The following RPS10 variants were observed in gnomAD, a reference collection of about 807,000 sequenced individuals.
RPS10 encodes the protein small ribosomal subunit protein eS10.
In RPS10, 2 loss-of-function variants were observed where a neutral mutation model predicts 22.6. The ratio of observed to expected loss-of-function variants is 0.09; its 90% CI spans 0.04 to 0.28. The LOEUF is 0.28. Among genes scored for constraint, RPS10 ranks in the 10% least tolerant of loss-of-function variants. The probability of loss-of-function intolerance (pLI) is 1.00; values close to 1 mark genes in which losing one functional copy is unlikely to be tolerated. For missense variants in RPS10, 137 were observed against 222.2 expected (o/e 0.62, Z 2.44); for synonymous variants, 70 against 75.9 (o/e 0.92, Z 0.40).
chr6:34,418,213 A>G, intron 5 of RPS10, 156 bp downstream of exon 5: 1 of 1,538,154 alleles, frequency 6.5e-7, no homozygotes, highest in Non-Finnish European at 8.8e-7. Flanking sequence ...GCATGCTACA[A>G]CTCAATGTAA....
chr6:34,420,416 C>T (rs1369841207), intron 4 of RPS10, among the ~76,000 whole-genome samples: 2 of 152,036 alleles, frequency 1.3e-5, no homozygotes, highest in Non-Finnish European at 2.9e-5. Context: ...TGGGGTTTTA[C>T]CATGCTGGCC....
chr6:34,422,793 C>T (rs953894818), intron 3 of RPS10, among the ~76,000 whole-genome samples: 2 of 149,792 alleles, frequency 1.3e-5, no homozygotes, highest in African/African-American at 4.9e-5. Context: ...AAAAAATTAT[C>T]ATAAATGGCC....
Position 34,424,703 on chromosome 6 carries a change from A to C in RPS10, c.288T>G (p.Arg96=). ...GAGGCCTGCCAGTCTCTGGACGGCT[A>C]CGGCGTAGGGTGGCAGGCACAATCT... ...PPEIVPATLR[R]SRPETGRPRP... Residue 96 remains arginine (R), a synonymous_variant, in exon 3 of 6, where the codon CGT becomes CGG. Transcript: ENST00000648437. The C allele has an allele frequency of 1.2e-6, 2 of 1,614,186 alleles. No individual in the cohort carries two copies. The highest frequency in any genetic ancestry group is 8.5e-7 in the Non-Finnish European group (1 of 1,180,036).
At chr6:34,424,036 T>C (rs1247839604) in intron 3 of RPS10, among the ~76,000 whole-genome samples, 3 of 147,784 alleles carry the variant, frequency 2.0e-5, no homozygotes, top group African/African-American at 7.5e-5. Context: ...TCTCTGCAGC[T>C]CCTACAGAGT....
intron 2 of RPS10, 28 bp from the exon 3 acceptor site, chr6:34,424,868 C>A (rs1396310130): frequency 1.2e-6 from 2 of 1,613,402 alleles, no homozygotes; most frequent in Non-Finnish European, 1.7e-6. Flanking sequence ...ACTGTTAAGG[C>A]GTTAAGTAGA....
chr6:34,419,897 G>A (rs1765705525), intron 4 of RPS10, among the ~76,000 whole-genome samples: 1 of 151,962 alleles, frequency 6.6e-6, no homozygotes, highest in Non-Finnish European at 1.5e-5. Context: ...TTGAGTTGGT[G>A]CGGGGGGCAG....
chr6:34,422,346 ACT>A (rs1765796915), intron 3 of RPS10, among the ~76,000 whole-genome samples: 3 of 152,066 alleles, frequency 2.0e-5, no homozygotes, highest in African/African-American at 2.4e-5. Context: ...ACGGAGTCTC[ACT>A]CTGTCACCCA....
At position 34,418,357 on chromosome 6, in the gene RPS10, G is replaced by T; in HGVS notation, c.456+12C>A. ...GTGATGGCTCATGGAAAACAAATAG[G>T]AAGATACTCACAAACTGGAATTCGG... On this transcript the variant is annotated intron_variant, in intron 5 of 5. Transcript: ENST00000648437. 1 of 1,614,072 alleles carries T rather than the reference G, an allele frequency of 6.2e-7. No individual in the cohort carries two copies. Among genetic ancestry groups the T allele is most frequent in the Non-Finnish European group, 8.5e-7 (1 of 1,179,988 alleles).
chr6:34,425,253 T>TA, intron 1 of RPS10, 32 bp from the exon 2 acceptor site: 1 of 1,583,776 alleles, frequency 6.3e-7, no homozygotes, highest in East Asian at 2.3e-5. Flanking sequence ...CAAGAGCACT[T>TA]CTGAGTAACG....
At chr6:34,424,508 T>TTC (rs1765885743) in intron 3 of RPS10, 161 bp downstream of exon 3, 1 of 917,678 alleles carries the variant, frequency 1.1e-6, no homozygotes, top group Non-Finnish European at 1.7e-6. Context: ...CTGAGTCTAG[T>TTC]TCTATTCCAA....
At chr6:34,423,816 T>C (rs139073803) in intron 3 of RPS10, among the ~76,000 whole-genome samples, 192 of 152,206 alleles carry the variant, frequency 1.3e-3, no homozygotes, top group African/African-American at 4.1e-3. Context: ...GAGGTGGAAG[T>C]TGCAGTAAGC....
chr6:34,421,664 G>A (rs1254612781), intron 4 of RPS10, 66 bp downstream of exon 4: 3 of 1,590,126 alleles, frequency 1.9e-6, no homozygotes, highest in East Asian at 4.5e-5. Flanking sequence ...CACCCAGCCA[G>A]AGCCAGCTGT....
At chr6:34,424,175 G>T (rs1245931490) in intron 3 of RPS10, 1 of 93,290 alleles carries the variant, frequency 1.1e-5, no homozygotes, top group Non-Finnish European at 1.8e-5. Context: ...GCAACTGTGA[G>T]CTAGCAATGA....
intron 3 of RPS10, chr6:34,424,140 T>TACAAAAAAAAAAAAAAAAAA (rs1765865508): frequency 2.0e-5 from 1 of 49,102 alleles, no homozygotes; most frequent in Non-Finnish European, 3.1e-5. Flanking sequence ...AAGACTCCGT[T>TACAAAAAAAAAAAAAAAAAA]AAAAAAAAAA....
chr6:34,418,002 T>A, intron 5 of RPS10: 1 of 698,432 alleles, frequency 1.4e-6, no homozygotes, highest in Non-Finnish European at 2.6e-6. Flanking sequence ...ATGGAGAAAC[T>A]GAGGCAGAGG....
intron 5 of RPS10, chr6:34,417,773 C>T (rs1368376038): frequency 4.2e-6 from 3 of 717,496 alleles, no homozygotes; most frequent in East Asian, 2.7e-5. Context: ...GTATGGCCAC[C>T]CACCCAGAGT....
chr6:34,422,533 T>A (rs1373300558), intron 3 of RPS10, among the ~76,000 whole-genome samples: 1 of 152,118 alleles, frequency 6.6e-6, no homozygotes, highest in African/African-American at 2.4e-5. Context: ...CAGGCTGGTC[T>A]CCAACTCCTG....
chr6:34,420,743 A>C (rs565943506), intron 4 of RPS10, among the ~76,000 whole-genome samples: 7 of 152,028 alleles, frequency 4.6e-5, no homozygotes, highest in Non-Finnish European at 1.0e-4. Flanking sequence ...GCGGTGGCTC[A>C]CATCTGTAAT....
At chr6:34,417,710 G>T in intron 5 of RPS10, 163 bp from the exon 6 acceptor site, 3 of 745,326 alleles carry the variant, frequency 4.0e-6, no homozygotes, top group Non-Finnish European at 4.9e-6. Flanking sequence ...CCCCTTACTG[G>T]ATGTGGGGCC....
Sources: allele counts gnomAD v4.1 joint callset (sites outside exome capture counted in the v4.1 genomes callset), GRCh38; gene constraint gnomAD v4.1.1; transcripts MANE v1.5; gene names NCBI Gene and HGNC (gene_info 2026-07-23, HGNC 2026-07-21).